SNX2: variants seen among roughly 807,000 people sequenced by gnomAD.
The protein encoded by SNX2 is sorting nexin 2.
Under a neutral mutation model 69.9 loss-of-function variants are expected in SNX2, and 25 were observed. The ratio of observed to expected loss-of-function variants is 0.36; its 90% CI spans 0.26 to 0.50. The LOEUF (loss-of-function observed/expected upper bound fraction) is 0.50, where lower values mean the gene tolerates loss of function less well. Among genes scored for constraint, SNX2 ranks in the 20% least tolerant of loss-of-function variants. The pLI, the probability that SNX2 is intolerant of heterozygous loss-of-function variation, is 0.97. For missense variants in SNX2, 551 were observed against 613.3 expected (o/e 0.90, Z 1.07); for synonymous variants, 229 against 200.4 (o/e 1.14, Z -1.20).
chr5:122,824,881 C>T (rs1754119298), intron 11 of SNX2, among the ~76,000 whole-genome samples: 1 of 152,134 alleles, frequency 6.6e-6, no homozygotes. Context: ...TAGGTTAAGT[C>T]ACTATGCAAT....
intron 6 of SNX2, 81 bp downstream of exon 6, chr5:122,803,694 G>T: frequency 9.8e-7 from 1 of 1,016,116 alleles, no homozygotes; most frequent in South Asian, 1.8e-5. Context: ...GGATTTCTTA[G>T]TCATTCACTG....
intron 11 of SNX2, among the ~76,000 whole-genome samples, 157 bp downstream of exon 11, chr5:122,819,180 A>G (rs1026275227): frequency 3.9e-5 from 6 of 152,190 alleles, no homozygotes; most frequent in East Asian, 3.8e-4. Flanking sequence ...TTTCTTCCCT[A>G]TGACTTGCAC....
Position 122,821,988 on chromosome 5 carries a change from G to C in SNX2, c.1212+2965G>C, listed in dbSNP as rs188553326. On this transcript the variant is annotated intron_variant, in intron 11 of 14. Coordinates refer to ENST00000379516, the MANE Select transcript of SNX2 (RefSeq NM_003100.4). The stretch of plus-strand genomic sequence containing the variant: ...TACCCTAACCTACCTAAACCTACAT[G>C]TTTCTTTTTACTAGCACCCAAGAAT... Among the ~76,000 whole-genome samples the C allele has an allele frequency of 2.0e-5, 3 of 152,234 alleles. No individual in the cohort carries two copies. The East Asian group carries it at 5.8e-4, about 29-fold the overall frequency.
At chr5:122,780,769 C>T (rs1174322239) in intron 1 of SNX2, among the ~76,000 whole-genome samples, 1 of 151,946 alleles carries the variant, frequency 6.6e-6, no homozygotes, top group Non-Finnish European at 1.5e-5. Flanking sequence ...GAGGTTTCAC[C>T]ATGTTGACCA....
intron 7 of SNX2, among the ~76,000 whole-genome samples, chr5:122,814,959 C>CTTGAACCA (rs370723208): frequency 0.015 from 2,263 of 152,270 alleles, 22 homozygotes; most frequent in Non-Finnish European, 0.019. Context: ...CCATCTTGGC[C>CTTGAACCA]AGGCTGGTCT....
chr5:122,790,067 C>T lies in SNX2; in HGVS notation c.109-5199C>T, dbSNP rs1028091492. Among the ~76,000 whole-genome samples the T allele has an allele frequency of 2.0e-5, 3 of 152,304 alleles. No homozygotes were observed. In the East Asian group the frequency reaches 5.8e-4, roughly 29 times the overall value. ...GTATTCTCATCCAAGGTCTCTCATA[C>T]AATTGTAGTCAGGATTTCAGCCAGT... is the stretch of plus-strand genomic sequence containing the variant. On this transcript the variant is annotated intron_variant, in intron 1 of 14. Transcript: ENST00000379516.
intron 1 of SNX2, among the ~76,000 whole-genome samples, chr5:122,784,574 G>A (rs979245368): frequency 1.3e-5 from 2 of 151,424 alleles, no homozygotes; most frequent in African/African-American, 4.9e-5. Flanking sequence ...AGTTGAATCA[G>A]CGTTGCATTC....
chr5:122,792,773 A>G (rs1753274451), intron 1 of SNX2, among the ~76,000 whole-genome samples: 1 of 152,212 alleles, frequency 6.6e-6, no homozygotes, highest in Non-Finnish European at 1.5e-5. Context: ...AGAATATATA[A>G]GGAACTTCTG....
At chr5:122,810,379 A>G (rs1581639601) in intron 7 of SNX2, among the ~76,000 whole-genome samples, 1 of 145,272 alleles carries the variant, frequency 6.9e-6, no homozygotes, top group African/African-American at 2.6e-5. Context: ...CTCTGCGAGA[A>G]ACACCCAAGA....
At chr5:122,817,622 A>G (rs1476760962) in intron 10 of SNX2, among the ~76,000 whole-genome samples, 1 of 152,104 alleles carries the variant, frequency 6.6e-6, no homozygotes, top group Non-Finnish European at 1.5e-5. Context: ...TGTGAGCTAA[A>G]AAAAAGAACA....
In SNX2 at chr5:122,829,681, A is replaced by G; in HGVS notation, c.*33A>G. 6.3e-7 allele frequency: 1 copy of G among 1,584,998 alleles called. No homozygotes were observed. Among genetic ancestry groups the G allele is most frequent in the Non-Finnish European group, 8.7e-7 (1 of 1,153,766 alleles). ...ATTGTTGCCGTTAAGAAGACCTTGG[A>G]TGTTGTTCCAGTTATGCTGGATTCC... On this transcript the variant is annotated 3_prime_UTR_variant, in exon 15 of 15. Transcript: ENST00000379516.
In SNX2 at chr5:122,817,391, C is replaced by G; in HGVS notation, c.1006+18C>G. 2 of 1,534,752 alleles carry G rather than the reference C, an allele frequency of 1.3e-6. No homozygotes were observed. Among genetic ancestry groups the G allele is most frequent in the Non-Finnish European group, 1.8e-6 (2 of 1,110,026 alleles). On this transcript the variant is annotated intron_variant, in intron 10 of 14. Coordinates refer to ENST00000379516, the MANE Select transcript of SNX2 (RefSeq NM_003100.4). ...TAGAAAAGGTTTGTTTGCCTTACTA[C>G]TTACGTAGTTAGCACCATAAAACTA...
rs750954400 is a variant in SNX2, at chr5:122,833,318, C to T, written c.*3670C>T. 2.0e-5 allele frequency: 3 copies of T among 151,968 alleles called. No individual in the cohort carries two copies. Among genetic ancestry groups the T allele is most frequent in the Non-Finnish European group, 2.9e-5 (2 of 67,990 alleles). 9.4% of individuals were successfully genotyped at this position (151,968 alleles called of 1,614,324 possible). A position where few individuals can be genotyped will look rare whatever the true frequency, so the allele number is the denominator to read the frequency against. ...TTTGATGAGGGCCATGAAGATAGGT[C>T]ATGGTAATCTATGGAGAAGGTCCTT... On this transcript the variant is annotated 3_prime_UTR_variant, in exon 15 of 15. Coordinates refer to ENST00000379516, the MANE Select transcript of SNX2 (RefSeq NM_003100.4).
intron 1 of SNX2, among the ~76,000 whole-genome samples, chr5:122,787,375 C>T (rs920411299): frequency 6.6e-6 from 1 of 152,028 alleles, no homozygotes; most frequent in African/African-American, 2.4e-5. Flanking sequence ...AAAAAATTAG[C>T]TAGACATGGT....
chr5:122,792,932 T>C (rs766751867), intron 1 of SNX2, among the ~76,000 whole-genome samples: 2 of 152,148 alleles, frequency 1.3e-5, no homozygotes, highest in Non-Finnish European at 2.9e-5. Flanking sequence ...TGATACATAC[T>C]CTACATGCTA....
At chr5:122,803,674 A>G in intron 6 of SNX2, 61 bp downstream of exon 6, 3 of 1,330,844 alleles carry the variant, frequency 2.3e-6, no homozygotes, top group Middle Eastern at 2.6e-4. Context: ...TTTTAACTGT[A>G]TAGATTTGTG....
rs774955554 is a variant in SNX2, at chr5:122,816,012, GTTAT to G, written c.798+44_798+47del. On this transcript the variant is annotated intron_variant, in intron 8 of 14. Coordinates refer to ENST00000379516, the MANE Select transcript of SNX2 (RefSeq NM_003100.4). ...TAAATGTTTGTATATGAATGTTCTC[GTTAT>G]TTGTCATTGTAATGTATATGACTAT... 9.0e-6 allele frequency: 10 copies of G among 1,114,906 alleles called. No homozygotes were observed. In the East Asian group the frequency reaches 1.5e-4, roughly 16 times the overall value. The allele number at this position is 1,114,906 out of a possible 1,614,324, so 69.1% of individuals were successfully genotyped here.
At chr5:122,788,515 T>G (rs1343451788) in intron 1 of SNX2, among the ~76,000 whole-genome samples, 1 of 152,238 alleles carries the variant, frequency 6.6e-6, no homozygotes, top group African/African-American at 2.4e-5. Context: ...TATTGTCCCA[T>G]AGGTCCTTGA....
chr5:122,830,863 G>A lies in SNX2; in HGVS notation c.*1215G>A, dbSNP rs909244526. ...ATCTCTACTAAAAATACAAAAATTC[G>A]CCTGGTGTGGTGGGGTGTGCTTGTG... On this transcript the variant is annotated 3_prime_UTR_variant, in exon 15 of 15. Coordinates refer to ENST00000379516, the MANE Select transcript of SNX2 (RefSeq NM_003100.4). Among the ~76,000 whole-genome samples, 5 of 151,970 alleles carry A rather than the reference G, an allele frequency of 3.3e-5. No homozygotes were observed. The highest frequency in any genetic ancestry group is 7.2e-5 in the African/African-American group (3 of 41,394).
Sources: allele counts gnomAD v4.1 joint callset (sites outside exome capture counted in the v4.1 genomes callset), GRCh38; gene constraint gnomAD v4.1.1; transcripts MANE v1.5; gene names NCBI Gene and HGNC (gene_info 2026-07-23, HGNC 2026-07-21).